The following INHBA variants were observed in gnomAD, a reference collection of about 807,000 sequenced individuals.
The protein encoded by INHBA is inhibin beta A chain.
A neutral mutation model predicts 29.0 loss-of-function variants in INHBA; 1 was observed. The ratio of observed to expected loss-of-function variants is 0.03; its 90% CI spans 0.01 to 0.16. The LOEUF (loss-of-function observed/expected upper bound fraction) is 0.16. INHBA is among the 10% of genes least tolerant of loss of function. The pLI is 1.00. For synonymous variants in INHBA, 242 were observed against 216.8 expected, an observed-to-expected ratio of 1.12 and a Z score of -1.02; for missense variants, 376 against 545.4, an observed-to-expected ratio of 0.69 and a Z score of 3.09.
chr7:41,699,277 G>A (rs1017246968), intron 2 of INHBA, among the ~76,000 whole-genome samples: 6 of 152,136 alleles, frequency 3.9e-5, no homozygotes, highest in Non-Finnish European at 7.3e-5. Context: ...GAACAAAACT[G>A]GTTGTTTTAT....
upstream of INHBA, among the ~76,000 whole-genome samples, chr7:41,704,472 C>T (rs1393926119): frequency 6.6e-6 from 1 of 152,086 alleles, no homozygotes; most frequent in African/African-American, 2.4e-5. Flanking sequence ...GAACTCAAAC[C>T]CTTTATAAGA....
chr7:41,698,334 A>T (rs1369811550), intron 2 of INHBA, among the ~76,000 whole-genome samples: 1 of 152,214 alleles, frequency 6.6e-6, no homozygotes, highest in Non-Finnish European at 1.5e-5. Flanking sequence ...ACATGGTTAA[A>T]GGCAACTGGA....
In INHBA at chr7:41,690,460, G is replaced by C; in HGVS notation, c.471C>G (p.Leu157=). The change falls in exon 3 of 3, where the codon CTC becomes CTG. Residue 157 remains leucine, a synonymous_variant. Coordinates refer to ENST00000242208, the MANE Select transcript of INHBA (RefSeq NM_002192.4). ...LSVVERAEVW[L]FLKVPKANRT... ...TGTTGGCCTTGGGGACTTTTAGGAA[G>C]AGCCAGACTTCTGCACGCTCCACCA... 6.2e-7 allele frequency: 1 copy of C among 1,614,012 alleles called. No homozygotes were observed.
chr7:41,686,411 GA>G lies in INHBA; in HGVS notation c.*3238del, dbSNP rs1201287279. ...GTTAGATAGAGCCACTGAGTTTCAA[GA>G]AAAAAACATACTACTAAGAATCCCA... On this transcript the variant is annotated 3_prime_UTR_variant, in exon 3 of 3. Transcript: ENST00000242208. 3.3e-5 allele frequency: 5 copies of G among 151,934 alleles called. No individual in the cohort carries two copies. The highest frequency in any genetic ancestry group is 1.2e-4 in the African/African-American group (5 of 41,382). 9.4% of individuals were successfully genotyped at this position (151,934 alleles called of 1,614,324 possible). A position where few individuals can be genotyped will look rare whatever the true frequency, so the allele number is the denominator to read the frequency against.
intron 2 of INHBA, among the ~76,000 whole-genome samples, chr7:41,695,946 T>C (rs1461204800): frequency 6.6e-6 from 1 of 152,148 alleles, no homozygotes; most frequent in African/African-American, 2.4e-5. Context: ...TGCAGTTCTT[T>C]AAATATTACA....
chr7:41,697,016 T>C (rs1301716483), intron 2 of INHBA, among the ~76,000 whole-genome samples: 2 of 152,184 alleles, frequency 1.3e-5, no homozygotes, highest in Admixed American at 1.3e-4. Flanking sequence ...TGACAGCATA[T>C]GGAGACTTAG....
chr7:41,700,244 G>A lies in INHBA; in HGVS notation c.131C>T (p.Pro44Leu). Reference sequence around the variant, plus strand: ...TGGCTGAGAGTTGGGTACATCCTTTGGGAGGGCGGCCAGCGCACAGGACGG... The same window carrying A: ...TGGCTGAGAGTTGGGTACATCCTTTAGGAGGGCGGCCAGCGCACAGGACGG... ...DCPSCALAAL[P>L]KDVPNSQPEM... The change falls in exon 2 of 3, where the codon CCA (proline) becomes CTA (leucine). Residue 44 changes from proline (P) to leucine (L), a missense_variant. Around this residue, in one of 4 missense-constraint regions of INHBA, gnomAD observed 71 missense variants for 77.0 expected, o/e 0.92. Transcript: ENST00000242208. 6.2e-7 allele frequency: 1 copy of A among 1,611,932 alleles called. No homozygotes were observed. Among genetic ancestry groups the A allele is most frequent in the Non-Finnish European group, 8.5e-7 (1 of 1,178,534 alleles).
At chr7:41,690,588 T>C in intron 2 of INHBA, 46 bp from the exon 3 acceptor site, 1 of 1,495,964 alleles carries the variant, frequency 6.7e-7, no homozygotes, top group Non-Finnish European at 8.9e-7. Flanking sequence ...CACCTGTTAA[T>C]TCCAACATTT....
chr7:41,704,802 A>G (rs969305828), upstream of INHBA, among the ~76,000 whole-genome samples: 1 of 152,118 alleles, frequency 6.6e-6, no homozygotes. Flanking sequence ...GGTCAAGTGC[A>G]GCTGTCAGAT....
At chr7:41,693,258 TG>T (rs1794561640) in intron 2 of INHBA, among the ~76,000 whole-genome samples, 1 of 152,166 alleles carries the variant, frequency 6.6e-6, no homozygotes, top group Admixed American at 6.5e-5. Context: ...TTAATAGGTT[TG>T]GGGTAACTCA....
At position 41,685,679 on chromosome 7, in the gene INHBA, A is replaced by C. The variant is rs897317485; in HGVS notation, c.*3971T>G. ...AGGGTAAAACCCTTTGGAAATTAAT[A>C]CAGAAGAAATGATTCACTTTATGCA... is the stretch of plus-strand genomic sequence containing the variant. On this transcript the variant is annotated 3_prime_UTR_variant, in exon 3 of 3. Transcript: ENST00000242208. 6.6e-6 allele frequency: 1 copy of C among 152,126 alleles called. No homozygotes were observed. Among genetic ancestry groups the C allele is most frequent in the African/African-American group, 2.4e-5 (1 of 41,452 alleles). 9.4% of individuals were successfully genotyped at this position (152,126 alleles called of 1,614,324 possible).
Position 41,685,791 on chromosome 7 carries a change from G to A in INHBA, c.*3859C>T, listed in dbSNP as rs1476814807. On this transcript the variant is annotated 3_prime_UTR_variant, in exon 3 of 3. Coordinates refer to ENST00000242208, the MANE Select transcript of INHBA (RefSeq NM_002192.4). Reference sequence around the variant, plus strand: ...CAGCTTCTAAGCATTCATTTTCTCTGACCCATACAACAGCTTCTCAGTGAT... The same window carrying A: ...CAGCTTCTAAGCATTCATTTTCTCTAACCCATACAACAGCTTCTCAGTGAT... 2 of 152,070 alleles carry A rather than the reference G, an allele frequency of 1.3e-5. No individual in the cohort carries two copies. Among genetic ancestry groups the A allele is most frequent in the African/African-American group, 4.8e-5 (2 of 41,414 alleles). The allele number at this position is 152,070 out of a possible 1,614,324, so 9.4% of individuals were successfully genotyped here.
In INHBA at chr7:41,700,117, C is replaced by G. The variant is rs780556409; in HGVS notation, c.258G>C (p.Ala86=). 1.9e-6 allele frequency: 3 copies of G among 1,614,100 alleles called. No individual in the cohort carries two copies. Among genetic ancestry groups the G allele is most frequent in the African/African-American group, 2.7e-5 (2 of 75,020 alleles). ...QPVPKAALLN[A]IRKLHVGKVG... is the part of the protein sequence containing the mutation. ...CTTTGCCCACATGAAGCTTTCTGAT[C>G]GCGTTCAGAAGCGCCGCCTTGGGTA... Residue 86 remains alanine, a synonymous_variant, in exon 2 of 3, where the codon GCG becomes GCC. Coordinates refer to ENST00000242208, the MANE Select transcript of INHBA (RefSeq NM_002192.4).
chr7:41,697,357 TAACAACTCGCATC>T (rs1178861472), intron 2 of INHBA, among the ~76,000 whole-genome samples: 2 of 152,222 alleles, frequency 1.3e-5, no homozygotes, highest in Non-Finnish European at 2.9e-5. Context: ...GTTTAGTCAA[TAACAACTCGCATC>T]AACTTTACAA....
intron 2 of INHBA, chr7:41,691,105 G>A (rs1184611461): frequency 6.6e-6 from 1 of 152,334 alleles, no homozygotes; most frequent in East Asian, 1.9e-4. Context: ...GGTCAAATGA[G>A]ATAACATAAA....
chr7:41,701,087 AT>A lies in INHBA; in HGVS notation c.-143-571del, dbSNP rs372441227. Among the ~76,000 whole-genome samples, 1,001 of 150,262 alleles carry A rather than the reference AT, an allele frequency of 6.7e-3. 8 individuals carry two copies. The highest frequency in any genetic ancestry group is 0.022 in the African/African-American group (915 of 40,810). ...ATAAATTATCCTAATTTTGTTCACT[AT>A]TTTTTTTTCTTTCTCTGCCCAGTCT... On this transcript the variant is annotated intron_variant, in intron 1 of 2. Coordinates refer to ENST00000242208, the MANE Select transcript of INHBA (RefSeq NM_002192.4).
chr7:41,699,673 C>T (rs1562570340), intron 2 of INHBA, among the ~76,000 whole-genome samples: 1 of 152,118 alleles, frequency 6.6e-6, no homozygotes, highest in Non-Finnish European at 1.5e-5. Context: ...CAGGGCAAGG[C>T]AGCCCCTCAC....
At chr7:41,704,777 A>T (rs1794876897), upstream of INHBA, among the ~76,000 whole-genome samples, 1 of 152,060 alleles carries the variant, frequency 6.6e-6, no homozygotes, top group Non-Finnish European at 1.5e-5. Context: ...GGGATCCATG[A>T]TATGAACCTG....
rs1369747479 is a variant in INHBA at position 41,690,536 on chromosome 7, G to T, written c.395C>A (p.Ala132Asp). The T allele has an allele frequency of 2.1e-5, 34 of 1,594,702 alleles. No individual in the cohort carries two copies. Among genetic ancestry groups the T allele is most frequent in the Non-Finnish European group, 2.8e-5 (33 of 1,172,390 alleles). The change falls in exon 3 of 3, where the codon GCC (alanine) becomes GAC (aspartate). Residue 132 changes from alanine (A) to aspartate (D), a missense_variant. Ala to Asp is a moderately radical substitution (Grantham distance 126). Coordinates refer to ENST00000242208, the MANE Select transcript of INHBA (RefSeq NM_002192.4). ...AATCTCGAAGTGCAGCGTCTTCCTGGCTGTTCCTGAAGATGAAAGACAGCA... is the reference window on the plus strand; with the variant it reads ...AATCTCGAAGTGCAGCGTCTTCCTGTCTGTTCCTGAAGATGAAAGACAGCA... ...EIITFAESGT[A>D]RKTLHFEISK...
Sources: allele counts gnomAD v4.1 joint callset (sites outside exome capture counted in the v4.1 genomes callset), GRCh38; gene constraint gnomAD v4.1.1; regional missense constraint gnomAD v4.1.1; transcripts MANE v1.5; gene names NCBI Gene and HGNC (gene_info 2026-07-23, HGNC 2026-07-21).